Variants in TP63 observed in about 807,000 individuals in gnomAD.
The protein encoded by TP63 is tumor protein p63, also known as tumor protein 63.
In TP63, 17 loss-of-function variants were observed where a neutral mutation model predicts 82.8. The observed-to-expected ratio is 0.21, with a 90% CI of 0.14 to 0.31. The LOEUF (loss-of-function observed/expected upper bound fraction) is 0.31, where lower values mean the gene tolerates loss of function less well. TP63 is among the 10% of genes least tolerant of loss of function. TP63 has a pLI of 1.00. For missense variants in TP63, 648 were observed against 895.3 expected, an observed-to-expected ratio of 0.72 and a Z score of 3.52; for synonymous variants, 330 against 321.7, an observed-to-expected ratio of 1.03 and a Z score of -0.28.
chr3:189,737,062 A>G (rs1720647054), intron 1 of TP63, among the ~76,000 whole-genome samples: 1 of 152,168 alleles, frequency 6.6e-6, no homozygotes, highest in African/African-American at 2.4e-5. Flanking sequence ...AAGCAAACAG[A>G]AATAGGATTC....
At chr3:189,773,600 A>T (rs1310690632) in intron 3 of TP63, among the ~76,000 whole-genome samples, 1 of 152,214 alleles carries the variant, frequency 6.6e-6, no homozygotes, top group Non-Finnish European at 1.5e-5. Flanking sequence ...TGGCTGCCAC[A>T]TTATTTTTTT....
At chr3:189,719,833 G>T (rs1392591350) in intron 1 of TP63, among the ~76,000 whole-genome samples, 1 of 152,156 alleles carries the variant, frequency 6.6e-6, no homozygotes, top group Non-Finnish European at 1.5e-5. Context: ...ACTTTAAAAA[G>T]CAAATTTCTT....
At chr3:189,767,440 A>G (rs1201142727) in intron 3 of TP63, among the ~76,000 whole-genome samples, 1 of 152,232 alleles carries the variant, frequency 6.6e-6, no homozygotes, top group East Asian at 1.9e-4. Flanking sequence ...CAGCGGAATC[A>G]GGATGCTTTT....
intron 3 of TP63, among the ~76,000 whole-genome samples, chr3:189,778,325 G>A (rs1182269519): frequency 6.6e-6 from 1 of 152,184 alleles, no homozygotes; most frequent in Non-Finnish European, 1.5e-5. Context: ...AACATACACT[G>A]AATGGGTCTA....
intron 4 of TP63, among the ~76,000 whole-genome samples, chr3:189,863,380 G>A (rs1305081736): frequency 6.6e-6 from 1 of 152,170 alleles, no homozygotes; most frequent in Non-Finnish European, 1.5e-5. Flanking sequence ...TCAGAAGTGG[G>A]AAGAGGAAGC....
intron 1 of TP63, among the ~76,000 whole-genome samples, chr3:189,655,932 G>A (rs138756775): frequency 0.038 from 5,837 of 152,154 alleles, 139 homozygotes; most frequent in Middle Eastern, 0.054. Context: ...CCCCACAAAT[G>A]ACCTATTATC....
intron 1 of TP63, among the ~76,000 whole-genome samples, chr3:189,678,793 T>C (rs1013791641): frequency 1.4e-4 from 21 of 152,164 alleles, no homozygotes; most frequent in African/African-American, 4.8e-4. Flanking sequence ...TGTCAGTGTT[T>C]TGTAGTTTTC....
the TP63 span, among the ~76,000 whole-genome samples, chr3:189,619,619 A>G: frequency 3.3e-5 from 5 of 152,104 alleles, no homozygotes; most frequent in Admixed American, 6.5e-5. Flanking sequence ...AAGTTTTTCA[A>G]TATCCCTCTT....
intron 3 of TP63, among the ~76,000 whole-genome samples, chr3:189,759,752 C>T (rs780555124): frequency 4.6e-5 from 7 of 152,198 alleles, no homozygotes; most frequent in Admixed American, 6.5e-5. Context: ...GATGAAGTCT[C>T]ATAGGTGACC....
chr3:189,894,762 G>A lies in TP63; in HGVS notation c.*260G>A, dbSNP rs907562901. On this transcript the variant is annotated 3_prime_UTR_variant, in exon 14 of 14. Transcript: ENST00000264731. Reference sequence around the variant, plus strand: ...GTAGAAGTGAGCAAAAAAGAGTTGGGTGTCTCCTTAAGCTGCAGAGATTTC... The same window carrying A: ...GTAGAAGTGAGCAAAAAAGAGTTGGATGTCTCCTTAAGCTGCAGAGATTTC... The A allele has an allele frequency of 2.2e-5, 11 of 506,082 alleles. No homozygotes were observed. Among genetic ancestry groups the A allele is most frequent in the Non-Finnish European group, 3.6e-6 (1 of 280,438 alleles). 31.3% of individuals were successfully genotyped at this position (506,082 alleles called of 1,614,324 possible). A position where few individuals can be genotyped will look rare whatever the true frequency, so the allele number is the denominator to read the frequency against.
chr3:189,690,654 C>T (rs932679550), intron 1 of TP63, among the ~76,000 whole-genome samples: 11 of 152,118 alleles, frequency 7.2e-5, no homozygotes, highest in Non-Finnish European at 1.0e-4. Context: ...ACCCAAACCC[C>T]GGTAGAATAA....
At chr3:189,638,164 G>C (rs1453938850) in intron 1 of TP63, among the ~76,000 whole-genome samples, 2 of 152,138 alleles carry the variant, frequency 1.3e-5, no homozygotes, top group Non-Finnish European at 2.9e-5. Flanking sequence ...GTGGTAACTT[G>C]TCATGGCAGC....
chr3:189,722,291 A>G (rs1719449040), intron 1 of TP63, among the ~76,000 whole-genome samples: 1 of 152,250 alleles, frequency 6.6e-6, no homozygotes, highest in Non-Finnish European at 1.5e-5. Context: ...CAAATAACTC[A>G]GCAGGAAGTG....
At chr3:189,719,784 C>G (rs775022699) in intron 1 of TP63, among the ~76,000 whole-genome samples, 1 of 152,288 alleles carries the variant, frequency 6.6e-6, no homozygotes, top group East Asian at 1.9e-4. Context: ...CCTTCGTGAG[C>G]GCTTTTCTTT....
At chr3:189,756,900 T>A (rs1479635811) in intron 3 of TP63, among the ~76,000 whole-genome samples, 1 of 152,118 alleles carries the variant, frequency 6.6e-6, no homozygotes, top group Non-Finnish European at 1.5e-5. Flanking sequence ...AGAAAGGGAT[T>A]TCAGCAGAAA....
intron 3 of TP63, among the ~76,000 whole-genome samples, chr3:189,750,125 G>GAAA (rs71175309): frequency 1.0e-5 from 1 of 95,504 alleles, no homozygotes; most frequent in African/African-American, 3.9e-5. Context: ...CTCTGTCTCA[G>GAAA]AAAAAAAAAA....
chr3:189,771,428 T>A (rs1395902676), intron 3 of TP63, among the ~76,000 whole-genome samples: 2 of 140,586 alleles, frequency 1.4e-5, no homozygotes, highest in African/African-American at 5.3e-5. Flanking sequence ...TAATTATATA[T>A]AAATCTATAA....
intron 10 of TP63, among the ~76,000 whole-genome samples, chr3:189,874,688 T>C (rs565023672): frequency 2.0e-5 from 3 of 152,316 alleles, no homozygotes; most frequent in African/African-American, 7.2e-5. Context: ...TTGCTAATCA[T>C]ATGGATGTTT....
chr3:189,677,500 A>G (rs1715545357), intron 1 of TP63, among the ~76,000 whole-genome samples: 1 of 151,014 alleles, frequency 6.6e-6, no homozygotes, highest in African/African-American at 2.4e-5. Context: ...CCATGAGTTG[A>G]TGCACACTTA....
Sources: gnomAD v4.1 joint callset for allele counts (sites outside exome capture counted in the v4.1 genomes callset) on GRCh38, gnomAD v4.1.1 for gene constraint, MANE v1.5 for transcripts, NCBI Gene and HGNC (gene_info 2026-07-23, HGNC 2026-07-21) for gene names.